The following BCAS3 variants were observed in gnomAD, a reference collection of about 807,000 sequenced individuals.
BCAS3 encodes the protein BCAS4/BCAS3 fusion.
BCAS3 carries 53 observed loss-of-function variants against 116.1 expected under a neutral mutation model. That is an observed-to-expected ratio of 0.46 (90% CI 0.37 to 0.57). The LOEUF is 0.57. Ranked by LOEUF, BCAS3 falls within the 20% of genes least tolerant of loss-of-function variation. BCAS3 has a pLI of 0.00. For synonymous variants in BCAS3, 391 were observed against 408.2 expected, an observed-to-expected ratio of 0.96 and a Z score of 0.51; for missense variants, 917 against 1,165.4, an observed-to-expected ratio of 0.79 and a Z score of 3.10.
rs552949993 is a variant in BCAS3 at position 61,147,551 on chromosome 17, G to A, written c.2425+62987G>A. Among the ~76,000 whole-genome samples the A allele has an allele frequency of 3.9e-5, 6 of 152,238 alleles. No individual in the cohort carries two copies. In the South Asian group the frequency reaches 6.2e-4, roughly 16 times the overall value. ...CAGGTGTTTCTTGTATCAAAGTAGCGCTAATAGATTTCTGTTTCTCAAAGT... is the reference window on the plus strand; with the variant it reads ...CAGGTGTTTCTTGTATCAAAGTAGCACTAATAGATTTCTGTTTCTCAAAGT... On this transcript the variant is annotated intron_variant, in intron 22 of 23. Transcript: ENST00000407086.
At chr17:61,154,298 C>G (rs1231528998) in intron 22 of BCAS3, among the ~76,000 whole-genome samples, 1 of 152,168 alleles carries the variant, frequency 6.6e-6, no homozygotes, top group Admixed American at 6.5e-5. Context: ...TTTGGTGATG[C>G]AACTATTTCT....
Position 61,034,304 on chromosome 17 carries a change from A to T in BCAS3, c.1638-362A>T, listed in dbSNP as rs1033407847. 6.6e-6 allele frequency among the ~76,000 whole-genome samples: 1 copy of T among 152,226 alleles called. No individual in the cohort carries two copies. Among genetic ancestry groups the T allele is most frequent in the Non-Finnish European group, 1.5e-5 (1 of 68,036 alleles). Reference sequence around the variant, plus strand: ...ACCTAATATATATAGAAATGAAGTGATAAACCATTTTATTATTGTGAGATG... The same window carrying T: ...ACCTAATATATATAGAAATGAAGTGTTAAACCATTTTATTATTGTGAGATG... On this transcript the variant is annotated intron_variant, in intron 16 of 23. Transcript: ENST00000407086. The surrounding 1 kb of genome is among the most constrained non-coding windows in gnomAD (Gnocchi z 5.0).
In BCAS3 at chr17:61,323,076, T is replaced by TA. The variant is rs528854588; in HGVS notation, c.2426-45241dup. Among the ~76,000 whole-genome samples, 82 of 149,340 alleles carry TA rather than the reference T, an allele frequency of 5.5e-4. No individual in the cohort carries two copies. Among genetic ancestry groups the TA allele is most frequent in the East Asian group, 3.3e-3 (17 of 5,136 alleles). On this transcript the variant is annotated intron_variant, in intron 22 of 23. Coordinates refer to ENST00000407086, the MANE Select transcript of BCAS3 (RefSeq NM_017679.5). This position sits in a 1 kb window ranked among gnomAD's most constrained non-coding sequence, Gnocchi z 4.6. ...TGATTGAGCTGCTAAGCAGTTGGTT[T>TA]AAAAAAAAAATGAAAGAAAAAGGAG...
intron 10 of BCAS3, among the ~76,000 whole-genome samples, chr17:60,893,774 A>G (rs1384583072): frequency 6.6e-6 from 1 of 151,740 alleles, no homozygotes; most frequent in African/African-American, 2.4e-5. Flanking sequence ...ACACCTGGCT[A>G]ATTTTTGTAT....
At chr17:61,187,876 T>C (rs1458253847) in intron 22 of BCAS3, among the ~76,000 whole-genome samples, 1 of 152,186 alleles carries the variant, frequency 6.6e-6, no homozygotes, top group Non-Finnish European at 1.5e-5. Context: ...TTGTATAACA[T>C]GCCAAATTAA....
At chr17:60,829,367 G>A (rs1286516609) in intron 7 of BCAS3, among the ~76,000 whole-genome samples, 10 of 151,688 alleles carry the variant, frequency 6.6e-5, no homozygotes, top group African/African-American at 1.2e-4. Context: ...GGTGGTTTGC[G>A]CCTGTAATCC....
chr17:61,062,366 A>G (rs573308164), intron 19 of BCAS3, among the ~76,000 whole-genome samples: 1 of 152,340 alleles, frequency 6.6e-6, no homozygotes, highest in African/African-American at 2.4e-5. Context: ...TTATTGTTAC[A>G]TATGAGTCTG....
Position 61,032,895 on chromosome 17 carries a change from A to G in BCAS3, c.1638-1771A>G, listed in dbSNP as rs1248929136. 1.3e-5 allele frequency among the ~76,000 whole-genome samples: 2 copies of G among 152,206 alleles called. No homozygotes were observed. The highest frequency in any genetic ancestry group is 4.8e-5 in the African/African-American group (2 of 41,466). The stretch of plus-strand genomic sequence containing the variant: ...AAATGGCAGAAGAGGTTTCTTTCAT[A>G]TATAGTAATATGCATTACCATGGAT... On this transcript the variant is annotated intron_variant, in intron 16 of 23. Transcript: ENST00000407086. This position sits in a 1 kb window ranked among gnomAD's most constrained non-coding sequence, Gnocchi z 4.6.
At chr17:60,859,934 A>G (rs146483942) in intron 7 of BCAS3, among the ~76,000 whole-genome samples, 2 of 152,182 alleles carry the variant, frequency 1.3e-5, no homozygotes, top group East Asian at 1.9e-4. Flanking sequence ...CATGAATTTG[A>G]TATTGTGACT....
rs9913358 is a variant in BCAS3 at position 61,259,609 on chromosome 17, G to A, written c.2426-108718G>A. ...AAGCCATTTAAGTGTTCCAGCCACT[G>A]GAGCTGGTTCTCTTTGTTGTTCTTT... On this transcript the variant is annotated intron_variant, in intron 22 of 23. Coordinates refer to ENST00000407086, the MANE Select transcript of BCAS3 (RefSeq NM_017679.5). The surrounding 1 kb of genome is among the most constrained non-coding windows in gnomAD (Gnocchi z 4.7). Among the ~76,000 whole-genome samples, 19,324 of 152,158 alleles carry A rather than the reference G, an allele frequency of 0.13. 2,060 individuals are homozygous for A. Among genetic ancestry groups the A allele is most frequent in the African/African-American group, 0.29 (12,220 of 41,458 alleles).
At position 61,105,559 on chromosome 17, in the gene BCAS3, G is replaced by T. The variant is rs149835768; in HGVS notation, c.2425+20995G>T. On this transcript the variant is annotated intron_variant, in intron 22 of 23. Transcript: ENST00000407086. The surrounding 1 kb of genome is among the most constrained non-coding windows in gnomAD (Gnocchi z 4.3). ...CCTGCCTCAGCCCCATGAGTAGCTGGGGTTACAGGCATGTGCCACCACGCC... is the reference window on the plus strand; with the variant it reads ...CCTGCCTCAGCCCCATGAGTAGCTGTGGTTACAGGCATGTGCCACCACGCC... 2.6e-5 allele frequency among the ~76,000 whole-genome samples: 4 copies of T among 152,130 alleles called. No homozygotes were observed. Among genetic ancestry groups the T allele is most frequent in the Non-Finnish European group, 5.9e-5 (4 of 68,004 alleles).
intron 6 of BCAS3, among the ~76,000 whole-genome samples, chr17:60,769,236 A>G (rs1234721355): frequency 6.6e-6 from 1 of 152,134 alleles, no homozygotes; most frequent in Non-Finnish European, 1.5e-5. Flanking sequence ...TGTGATAGGC[A>G]GGGGCAGGAT....
intron 12 of BCAS3, among the ~76,000 whole-genome samples, chr17:60,922,541 C>G (rs2059159254): frequency 6.6e-6 from 1 of 152,060 alleles, no homozygotes; most frequent in Non-Finnish European, 1.5e-5. Flanking sequence ...GACTATTTCT[C>G]TATTAAAAAA....
At chr17:60,789,025 A>C (rs946356951) in intron 6 of BCAS3, among the ~76,000 whole-genome samples, 25 of 152,298 alleles carry the variant, frequency 1.6e-4, no homozygotes, top group African/African-American at 5.8e-4. Context: ...GATTTCAGTA[A>C]AATAAAAAAT....
chr17:60,831,330 C>T (rs981039461), intron 7 of BCAS3, among the ~76,000 whole-genome samples: 1 of 151,894 alleles, frequency 6.6e-6, no homozygotes, highest in Non-Finnish European at 1.5e-5. Context: ...GCGCGTGCCA[C>T]CACGCCTAGC....
At chr17:60,876,825 A>T (rs1033795267) in intron 9 of BCAS3, among the ~76,000 whole-genome samples, 1 of 152,034 alleles carries the variant, frequency 6.6e-6, no homozygotes, top group Non-Finnish European at 1.5e-5. Context: ...AAAGTTACTC[A>T]GTTTGTTTTG....
At chr17:61,152,928 T>G (rs1225173608) in intron 22 of BCAS3, among the ~76,000 whole-genome samples, 3 of 152,220 alleles carry the variant, frequency 2.0e-5, no homozygotes, top group African/African-American at 7.2e-5. Flanking sequence ...CTGCCTGAAC[T>G]GGGATATAAT....
chr17:61,071,548 G>A (rs1440967522), intron 19 of BCAS3, among the ~76,000 whole-genome samples: 1 of 152,176 alleles, frequency 6.6e-6, no homozygotes, highest in Non-Finnish European at 1.5e-5. Flanking sequence ...CAAGCTCTGC[G>A]AGGGATGTCA....
At chr17:60,761,923 T>C (rs898551456) in intron 6 of BCAS3, among the ~76,000 whole-genome samples, 2 of 151,804 alleles carry the variant, frequency 1.3e-5, no homozygotes, top group African/African-American at 4.9e-5. Flanking sequence ...TGGTATCTCA[T>C]TGTGGTTTTG....
Sources: allele counts gnomAD v4.1 joint callset (sites outside exome capture counted in the v4.1 genomes callset), GRCh38; gene constraint gnomAD v4.1.1; non-coding constraint Gnocchi (gnomAD v3.1); transcripts MANE v1.5; gene names NCBI Gene and HGNC (gene_info 2026-07-23, HGNC 2026-07-21).